The following DAB1 variants were observed in gnomAD, a reference collection of about 807,000 sequenced individuals.
DAB1 encodes the protein disabled homolog 1.
Under a neutral mutation model 64.6 loss-of-function variants are expected in DAB1, and 15 were observed. That is an observed-to-expected ratio of 0.23 (90% confidence interval 0.16 to 0.36). The LOEUF (loss-of-function observed/expected upper bound fraction) is 0.36. DAB1 is among the 10% of genes least tolerant of loss of function. DAB1 has a pLI of 1.00. For synonymous variants in DAB1, 235 were observed against 251.9 expected, an observed-to-expected ratio of 0.93 and a Z score of 0.64; for missense variants, 596 against 706.7, an observed-to-expected ratio of 0.84 and a Z score of 1.78.
chr1:57,368,495 G>A (rs1427616371), intron 1 of DAB1, among the ~76,000 whole-genome samples: 1 of 152,184 alleles, frequency 6.6e-6, no homozygotes, highest in Non-Finnish European at 1.5e-5. Context: ...AGCCAGAGCT[G>A]AGCAGACTTC....
chr1:57,862,656 A>G (rs1308169798), intron 1 of DAB1: 1 of 152,212 alleles, frequency 6.6e-6, no homozygotes. Context: ...ACCAAAGGAG[A>G]GATAAAGATG....
chr1:57,917,808 C>T (rs1644749386), intron 5 of DAB1, among the ~76,000 whole-genome samples: 1 of 152,162 alleles, frequency 6.6e-6, no homozygotes, highest in African/African-American at 2.4e-5. Context: ...TTCAGCACTC[C>T]CCATGCTCAC....
chr1:57,697,075 T>A (rs1227290694), intron 6 of DAB1, among the ~76,000 whole-genome samples: 6 of 152,176 alleles, frequency 3.9e-5, no homozygotes, highest in Non-Finnish European at 8.8e-5. Flanking sequence ...AGCACTTACA[T>A]ACTATATGCA....
chr1:58,123,746 G>A (rs1015579096), intron 5 of DAB1, among the ~76,000 whole-genome samples: 2 of 152,062 alleles, frequency 1.3e-5, no homozygotes, highest in Non-Finnish European at 2.9e-5. Context: ...TTGACTGATC[G>A]ATTTGTTATG....
intron 5 of DAB1, among the ~76,000 whole-genome samples, chr1:58,074,965 GACAA>G (rs768426186): frequency 2.0e-5 from 3 of 152,074 alleles, no homozygotes; most frequent in Non-Finnish European, 4.4e-5. Context: ...CCATGTTATG[GACAA>G]ACAAAGTTTC....
At chr1:57,722,440 T>G (rs1232782974) in intron 6 of DAB1, among the ~76,000 whole-genome samples, 3 of 152,142 alleles carry the variant, frequency 2.0e-5, no homozygotes, top group Non-Finnish European at 2.9e-5. Context: ...TCTTGTGCCC[T>G]TAAAAGGCTT....
intron 4 of DAB1, among the ~76,000 whole-genome samples, chr1:58,325,002 C>T (rs1353909185): frequency 2.0e-5 from 3 of 152,192 alleles, no homozygotes; most frequent in African/African-American, 7.2e-5. Flanking sequence ...CCTAATGTGG[C>T]CTGGAATCTT....
At chr1:58,268,297 G>C (rs1002039934) in intron 4 of DAB1, among the ~76,000 whole-genome samples, 3 of 152,050 alleles carry the variant, frequency 2.0e-5, no homozygotes, top group Non-Finnish European at 4.4e-5. Flanking sequence ...AATTACAGTA[G>C]ATATATTTAA....
At chr1:58,109,980 C>A (rs987562953) in intron 5 of DAB1, among the ~76,000 whole-genome samples, 3 of 152,222 alleles carry the variant, frequency 2.0e-5, no homozygotes, top group Non-Finnish European at 4.4e-5. Flanking sequence ...GTTTACCCAA[C>A]CTGGTCATGG....
At chr1:57,001,549 T>A (rs1022904505) in intron 14 of DAB1, among the ~76,000 whole-genome samples, 1 of 152,184 alleles carries the variant, frequency 6.6e-6, no homozygotes, top group Non-Finnish European at 1.5e-5. Flanking sequence ...CTGAAATGGA[T>A]TTGGCCATGC....
chr1:57,682,411 T>C (rs940370297), intron 6 of DAB1, among the ~76,000 whole-genome samples: 1 of 148,694 alleles, frequency 6.7e-6, no homozygotes, highest in African/African-American at 2.5e-5. Flanking sequence ...GGAGTGCTGC[T>C]CCCACTGACA....
chr1:57,125,718 T>C (rs575240078), intron 4 of DAB1, among the ~76,000 whole-genome samples: 1 of 152,264 alleles, frequency 6.6e-6, no homozygotes, highest in East Asian at 1.9e-4. Context: ...TATGCAACCT[T>C]CTACTCATCG....
chr1:57,121,104 A>G (rs1305063399), intron 4 of DAB1, among the ~76,000 whole-genome samples: 1 of 151,108 alleles, frequency 6.6e-6, no homozygotes, highest in Non-Finnish European at 1.5e-5. Context: ...AGAAAAGAAG[A>G]GGAAGAAGAA....
chr1:57,711,031 T>C (rs1019274795), intron 6 of DAB1, among the ~76,000 whole-genome samples: 2 of 152,176 alleles, frequency 1.3e-5, no homozygotes, highest in African/African-American at 2.4e-5. Flanking sequence ...GATTCTACAA[T>C]AGTGATGTTA....
At chr1:57,193,607 C>T (rs1380208884) in intron 2 of DAB1, among the ~76,000 whole-genome samples, 2 of 152,024 alleles carry the variant, frequency 1.3e-5, no homozygotes, top group African/African-American at 2.4e-5. Flanking sequence ...AGGATGGTCT[C>T]GATCTCCTGA....
At chr1:57,129,333 T>C (rs1657440715) in intron 4 of DAB1, among the ~76,000 whole-genome samples, 1 of 152,174 alleles carries the variant, frequency 6.6e-6, no homozygotes, top group African/African-American at 2.4e-5. Context: ...TGATTTTTTT[T>C]ATTGTGATAA....
intron 5 of DAB1, among the ~76,000 whole-genome samples, chr1:58,004,206 C>T (rs1646547401): frequency 6.6e-6 from 1 of 152,160 alleles, no homozygotes; most frequent in Non-Finnish European, 1.5e-5. Context: ...CACAGCCACC[C>T]CAGAAGGGTC....
chr1:58,438,441 T>C (rs59713231), intron 3 of DAB1, among the ~76,000 whole-genome samples: 11,223 of 152,142 alleles, frequency 0.074, 618 homozygotes, highest in African/African-American at 0.16. Flanking sequence ...TTCCGGGCAG[T>C]TGTGCAGCAG....
intron 6 of DAB1, among the ~76,000 whole-genome samples, chr1:57,710,935 G>A (rs1046354268): frequency 6.6e-6 from 1 of 152,162 alleles, no homozygotes; most frequent in Non-Finnish European, 1.5e-5. Flanking sequence ...GCAGGCAGGA[G>A]GGTCAGGGAG....
Sources: gnomAD v4.1 joint callset for allele counts (sites outside exome capture counted in the v4.1 genomes callset) on GRCh38, gnomAD v4.1.1 for gene constraint, MANE v1.5 for transcripts, NCBI Gene and HGNC (gene_info 2026-07-23, HGNC 2026-07-21) for gene names.